MALRD1: variants seen among roughly 807,000 people sequenced by gnomAD.
The protein encoded by MALRD1 is MAM and LDL-receptor class A domain-containing protein 1.
In MALRD1, 247 loss-of-function variants were observed where a neutral mutation model predicts 242.1. The observed-to-expected ratio is 1.02, with a 90% CI of 0.92 to 1.13. The LOEUF (loss-of-function observed/expected upper bound fraction) is 1.13, where lower values mean the gene tolerates loss of function less well. Ranked by LOEUF, MALRD1 falls within the 50% of genes most tolerant of loss-of-function variation. MALRD1 has a pLI of 0.00. For synonymous variants in MALRD1, 995 were observed against 866.6 expected (o/e 1.15, Z -2.60); for missense variants, 2,989 against 2,533.1 (o/e 1.18, Z -3.86).
intron 5 of MALRD1, among the ~76,000 whole-genome samples, chr10:19,118,962 G>C (rs4607971): frequency 0.055 from 8,378 of 152,228 alleles, 463 homozygotes; most frequent in Admixed American, 0.17. Context: ...CAAGATTATA[G>C]TGGAGCAGGG....
intron 38 of MALRD1, among the ~76,000 whole-genome samples, chr10:19,694,868 T>A (rs1294368521): frequency 1.3e-5 from 2 of 152,156 alleles, no homozygotes; most frequent in Admixed American, 1.3e-4. Context: ...GTGGCACACA[T>A]ACACCATGGA....
intron 14 of MALRD1, among the ~76,000 whole-genome samples, chr10:19,180,232 A>T (rs1835445929): frequency 6.6e-6 from 1 of 152,204 alleles, no homozygotes; most frequent in Non-Finnish European, 1.5e-5. Context: ...TTCAAAACAT[A>T]CATGAGAATG....
chr10:19,302,177 T>A (rs2131959599), intron 21 of MALRD1, among the ~76,000 whole-genome samples: 1 of 151,900 alleles, frequency 6.6e-6, no homozygotes, highest in Non-Finnish European at 1.5e-5. Flanking sequence ...AATGTAAAAT[T>A]ATACAGGCAA....
intron 18 of MALRD1, among the ~76,000 whole-genome samples, chr10:19,253,570 C>T (rs1463742966): frequency 1.3e-5 from 2 of 151,848 alleles, no homozygotes; most frequent in Non-Finnish European, 2.9e-5. Flanking sequence ...AGTGTTGGCC[C>T]TCTGTATACA....
intron 10 of MALRD1, among the ~76,000 whole-genome samples, chr10:19,138,604 A>T (rs1447280584): frequency 6.6e-6 from 1 of 151,730 alleles, no homozygotes; most frequent in Non-Finnish European, 1.5e-5. Flanking sequence ...TATTTTTAGT[A>T]GTGACAGGTT....
intron 34 of MALRD1, among the ~76,000 whole-genome samples, chr10:19,605,200 G>A (rs1049338524): frequency 1.3e-5 from 2 of 150,056 alleles, no homozygotes; most frequent in Non-Finnish European, 3.0e-5. Flanking sequence ...CCATTCCCTG[G>A]CTGGAGTGCA....
chr10:19,153,844 T>G (rs756056044), intron 11 of MALRD1, among the ~76,000 whole-genome samples: 2 of 151,982 alleles, frequency 1.3e-5, no homozygotes, highest in Admixed American at 1.3e-4. Flanking sequence ...CGTCTTAATG[T>G]GTACATGTTC....
intron 1 of MALRD1, among the ~76,000 whole-genome samples, chr10:19,058,861 A>G (rs1834741439): frequency 6.6e-6 from 1 of 152,102 alleles, no homozygotes; most frequent in East Asian, 1.9e-4. Context: ...AAGTATGTGC[A>G]CTCTTGGGAA....
intron 18 of MALRD1, among the ~76,000 whole-genome samples, chr10:19,229,122 G>A (rs1199395201): frequency 6.6e-6 from 1 of 152,022 alleles, no homozygotes; most frequent in Non-Finnish European, 1.5e-5. Context: ...ACTGATAAAA[G>A]AATTTGAAAA....
intron 11 of MALRD1, among the ~76,000 whole-genome samples, 170 bp from the exon 12 acceptor site, chr10:19,154,905 T>A (rs978911893): frequency 6.6e-6 from 1 of 152,260 alleles, no homozygotes. Context: ...TTTAATGTTA[T>A]ACCGGTATAA....
intron 36 of MALRD1, among the ~76,000 whole-genome samples, chr10:19,640,925 G>A (rs1431086929): frequency 6.6e-6 from 1 of 152,028 alleles, no homozygotes; most frequent in Non-Finnish European, 1.5e-5. Flanking sequence ...GAAAAAAATA[G>A]TTTTTGTATC....
intron 9 of MALRD1, 138 bp from the exon 10 acceptor site, chr10:19,136,436 C>A: frequency 2.4e-6 from 1 of 417,314 alleles, no homozygotes. Flanking sequence ...GGTTATCAAA[C>A]AGGAACTTTG....
chr10:19,179,809 A>C, intron 14 of MALRD1, among the ~76,000 whole-genome samples: 1 of 152,194 alleles, frequency 6.6e-6, no homozygotes, highest in East Asian at 1.9e-4. Context: ...TAGTGTATCA[A>C]TAAATAGTTC....
chr10:19,558,831 GC>G (rs1246352301), intron 32 of MALRD1, among the ~76,000 whole-genome samples: 7 of 152,072 alleles, frequency 4.6e-5, no homozygotes, highest in Non-Finnish European at 8.8e-5. Context: ...CAGTAGATGT[GC>G]CTTTCAAGGA....
At chr10:19,538,991 T>C (rs749312505) in intron 32 of MALRD1, among the ~76,000 whole-genome samples, 7 of 152,200 alleles carry the variant, frequency 4.6e-5, no homozygotes, top group Non-Finnish European at 8.8e-5. Context: ...ATGTATATGC[T>C]CCAGTTCAGA....
intron 31 of MALRD1, among the ~76,000 whole-genome samples, chr10:19,518,467 C>CA (rs1018940929): frequency 6.6e-6 from 1 of 151,814 alleles, no homozygotes; most frequent in Non-Finnish European, 1.5e-5. Context: ...TATATAATGT[C>CA]AAAGTTGATA....
chr10:19,326,847 T>A (rs1297827950), intron 22 of MALRD1, among the ~76,000 whole-genome samples: 2 of 152,156 alleles, frequency 1.3e-5, no homozygotes, highest in African/African-American at 2.4e-5. Flanking sequence ...TGTTGTGAAA[T>A]CATTTAATAC....
intron 28 of MALRD1, among the ~76,000 whole-genome samples, chr10:19,421,916 G>A (rs1833732244): frequency 6.6e-6 from 1 of 152,194 alleles, no homozygotes. Flanking sequence ...GTGCCAAGAA[G>A]GATGGAAGGA....
In MALRD1 at chr10:19,324,030, C is replaced by T. The variant is rs1843012108; in HGVS notation, c.3501C>T (p.Ile1167=). The T allele has an allele frequency of 6.4e-7, 1 of 1,550,682 alleles. No homozygotes were observed. The highest frequency in any genetic ancestry group is 8.7e-7 in the Non-Finnish European group (1 of 1,146,918). ...ACACGGCTGACATTCTCACTCCTATCATTTCACTCACGGGACCAAAATGTA... is the reference window on the plus strand; with the variant it reads ...ACACGGCTGACATTCTCACTCCTATTATTTCACTCACGGGACCAAAATGTA... ...FGDTADILTP[I]ISLTGPKCTL... The change falls in exon 22 of 40, where the codon ATC becomes ATT. Residue 1167 remains isoleucine, a synonymous_variant. Transcript: ENST00000454679.
Sources: gnomAD v4.1 joint callset for allele counts (sites outside exome capture counted in the v4.1 genomes callset) on GRCh38, gnomAD v4.1.1 for gene constraint, MANE v1.5 for transcripts, NCBI Gene and HGNC (gene_info 2026-07-23, HGNC 2026-07-21) for gene names.